Variants in ZNF804B observed in about 807,000 individuals in gnomAD.
The protein encoded by ZNF804B is zinc finger 804B.
A neutral mutation model predicts 101.4 loss-of-function variants in ZNF804B; 80 were observed. That is an observed-to-expected ratio of 0.79 (90% confidence interval 0.66 to 0.95). The LOEUF (loss-of-function observed/expected upper bound fraction) is 0.95. ZNF804B is among the 40% of genes least tolerant of loss of function. The pLI is 0.00. For synonymous variants in ZNF804B, 622 were observed against 558.8 expected (o/e 1.11, Z -1.59); for missense variants, 1,673 against 1,561.9 (o/e 1.07, Z -1.20).
chr7:89,144,989 C>T (rs945010235), intron 1 of ZNF804B, among the ~76,000 whole-genome samples: 1 of 151,464 alleles, frequency 6.6e-6, no homozygotes, highest in Admixed American at 6.6e-5. Flanking sequence ...TCCTGTAGTC[C>T]CAGCTACTTG....
intron 2 of ZNF804B, among the ~76,000 whole-genome samples, chr7:89,232,960 C>T (rs746685404): frequency 1.3e-5 from 2 of 152,054 alleles, no homozygotes; most frequent in Non-Finnish European, 2.9e-5. Context: ...CTCGCTCTGT[C>T]GCCCAGGCTG....
rs534011971 is a variant in ZNF804B at position 89,145,721 on chromosome 7, GT to G, written c.109-72432del. The stretch of plus-strand genomic sequence containing the variant: ...CTCTGGACCAGACCTTATGCTCCAT[GT>G]TAGTGAGCAGGTATGATGCTTTTCC... On this transcript the variant is annotated intron_variant, in intron 1 of 3. Coordinates refer to ENST00000333190, the MANE Select transcript of ZNF804B (RefSeq NM_181646.5). Among the ~76,000 whole-genome samples the G allele has an allele frequency of 1.6e-3, 244 of 152,078 alleles. 2 individuals are homozygous for G. Among genetic ancestry groups the G allele is most frequent in the African/African-American group, 5.5e-3 (227 of 41,530 alleles).
chr7:89,336,257 A>C lies in ZNF804B; in HGVS notation c.3275A>C (p.Gln1092Pro). Residue 1092 changes from glutamine (Q) to proline (P), a missense_variant, in exon 4 of 4, where the codon CAA becomes CCA. Transcript: ENST00000333190. The part of the protein sequence containing the change: ...YTGVTDSTET[Q>P]EDQINLDLQD... Reference sequence around the variant, plus strand: ...GGTGTGACTGATTCAACAGAGACCCAAGAAGACCAAATAAATCTAGACTTA... The same window carrying C: ...GGTGTGACTGATTCAACAGAGACCCCAGAAGACCAAATAAATCTAGACTTA... The C allele has an allele frequency of 1.9e-6, 3 of 1,613,906 alleles. No homozygotes were observed. The highest frequency in any genetic ancestry group is 2.5e-6 in the Non-Finnish European group (3 of 1,179,976).
chr7:89,293,430 A>G (rs889627294), intron 2 of ZNF804B, among the ~76,000 whole-genome samples: 1 of 152,184 alleles, frequency 6.6e-6, no homozygotes, highest in Non-Finnish European at 1.5e-5. Context: ...ATTTTTAAAT[A>G]AATAAACTGT....
chr7:88,899,778 T>A (rs1210787392), intron 1 of ZNF804B, among the ~76,000 whole-genome samples: 1 of 152,152 alleles, frequency 6.6e-6, no homozygotes, highest in Non-Finnish European at 1.5e-5. Flanking sequence ...CAGATACCCA[T>A]ATCTCCTTCT....
chr7:89,035,354 C>G (rs1196976636), intron 1 of ZNF804B, among the ~76,000 whole-genome samples: 1 of 151,976 alleles, frequency 6.6e-6, no homozygotes, highest in Non-Finnish European at 1.5e-5. Context: ...TACTGTAGTT[C>G]AAAATCCTCC....
chr7:88,862,900 C>T (rs1233798526), intron 1 of ZNF804B, among the ~76,000 whole-genome samples: 1 of 152,140 alleles, frequency 6.6e-6, no homozygotes, highest in Non-Finnish European at 1.5e-5. Context: ...CATTTCACAC[C>T]TGTATCAATG....
chr7:88,932,249 A>C (rs942433287), intron 1 of ZNF804B, among the ~76,000 whole-genome samples: 1 of 151,788 alleles, frequency 6.6e-6, no homozygotes, highest in Non-Finnish European at 1.5e-5. Context: ...TGTACATAAG[A>C]ATACTCATTT....
chr7:89,084,652 G>C (rs956605649), intron 1 of ZNF804B, among the ~76,000 whole-genome samples: 1 of 151,858 alleles, frequency 6.6e-6, no homozygotes, highest in Non-Finnish European at 1.5e-5. Context: ...CAGGTATGAA[G>C]GATACATTGC....
chr7:89,166,162 A>G (rs900305155), intron 1 of ZNF804B, among the ~76,000 whole-genome samples: 1 of 152,138 alleles, frequency 6.6e-6, no homozygotes, highest in Non-Finnish European at 1.5e-5. Flanking sequence ...ATTTTATTGA[A>G]TATTCATTTT....
chr7:88,901,944 A>G (rs760203247), intron 1 of ZNF804B, among the ~76,000 whole-genome samples: 2 of 152,008 alleles, frequency 1.3e-5, no homozygotes, highest in Non-Finnish European at 2.9e-5. Flanking sequence ...TGTCCTTATT[A>G]CAATTCTAGA....
intron 1 of ZNF804B, among the ~76,000 whole-genome samples, chr7:88,810,855 TA>T (rs1359657992): frequency 6.6e-6 from 1 of 152,210 alleles, no homozygotes; most frequent in Non-Finnish European, 1.5e-5. Context: ...GAATCTTAGC[TA>T]ATTCATTTTA....
intron 1 of ZNF804B, among the ~76,000 whole-genome samples, chr7:89,066,837 A>G (rs1163435250): frequency 6.6e-6 from 1 of 151,956 alleles, no homozygotes; most frequent in Non-Finnish European, 1.5e-5. Flanking sequence ...ATCTCAGCTC[A>G]CCGCAACCTC....
chr7:89,028,524 A>G (rs546534162), intron 1 of ZNF804B, among the ~76,000 whole-genome samples: 120 of 152,254 alleles, frequency 7.9e-4, no homozygotes, highest in African/African-American at 2.8e-3. Context: ...TGGTTTTTGA[A>G]TGCCGTTTTC....
At chr7:89,274,875 T>C (rs888581920) in intron 2 of ZNF804B, among the ~76,000 whole-genome samples, 1 of 151,836 alleles carries the variant, frequency 6.6e-6, no homozygotes, top group Non-Finnish European at 1.5e-5. Flanking sequence ...ACATCTCCCA[T>C]CCTCCAAATA....
intron 1 of ZNF804B, among the ~76,000 whole-genome samples, chr7:89,201,996 A>T (rs966335339): frequency 3.9e-5 from 6 of 152,026 alleles, no homozygotes; most frequent in African/African-American, 2.4e-5. Flanking sequence ...ACGATTTTGT[A>T]CCCTTTATGT....
intron 2 of ZNF804B, among the ~76,000 whole-genome samples, chr7:89,279,851 G>A (rs1246615635): frequency 2.6e-5 from 4 of 151,852 alleles, no homozygotes; most frequent in East Asian, 3.9e-4. Flanking sequence ...TGGTATCAGG[G>A]TGATGCGGGC....
At chr7:88,865,999 T>A (rs1791720848) in intron 1 of ZNF804B, among the ~76,000 whole-genome samples, 1 of 152,234 alleles carries the variant, frequency 6.6e-6, no homozygotes, top group South Asian at 2.1e-4. Flanking sequence ...CTCTCACTTT[T>A]AGATTCATCT....
chr7:89,075,714 A>T (rs1789607285), intron 1 of ZNF804B, among the ~76,000 whole-genome samples: 1 of 152,186 alleles, frequency 6.6e-6, no homozygotes, highest in South Asian at 2.1e-4. Flanking sequence ...AGACCCCAGA[A>T]TGGTAGATAA....
Sources: gnomAD v4.1 joint callset for allele counts (sites outside exome capture counted in the v4.1 genomes callset) on GRCh38, gnomAD v4.1.1 for gene constraint, MANE v1.5 for transcripts, NCBI Gene and HGNC (gene_info 2026-07-23, HGNC 2026-07-21) for gene names.